Variants in FBXL17 observed in about 807,000 individuals in gnomAD.
The protein encoded by FBXL17 is F-box/LRR-repeat protein 17.
Under a neutral mutation model 66.2 loss-of-function variants are expected in FBXL17, and 22 were observed. The observed-to-expected ratio is 0.33, with a 90% CI of 0.24 to 0.47. The LOEUF (loss-of-function observed/expected upper bound fraction) is 0.47, where lower values mean the gene tolerates loss of function less well. Among genes scored for constraint, FBXL17 ranks in the 20% least tolerant of loss-of-function variants. The pLI, the probability that FBXL17 is intolerant of heterozygous loss-of-function variation, is 1.00. For missense variants in FBXL17, 878 were observed against 948.2 expected (o/e 0.93, Z 0.97); for synonymous variants, 474 against 400.5 (o/e 1.18, Z -2.19).
At chr5:108,342,045 CTT>C (rs1561540243) in intron 4 of FBXL17, among the ~76,000 whole-genome samples, 1 of 152,124 alleles carries the variant, frequency 6.6e-6, no homozygotes, top group African/African-American at 2.4e-5. Flanking sequence ...CAGTATAACT[CTT>C]GTTTAATTCT....
chr5:108,025,730 C>A (rs570097823), intron 6 of FBXL17, among the ~76,000 whole-genome samples: 120 of 69,800 alleles, frequency 1.7e-3, no homozygotes, highest in African/African-American at 6.6e-3. Context: ...CGCGCGCGCA[C>A]ACACACACAC....
chr5:108,224,257 C>T (rs769663597), intron 4 of FBXL17, 29 bp from the exon 5 acceptor site: 28 of 1,358,666 alleles, frequency 2.1e-5, no homozygotes, highest in Non-Finnish European at 2.8e-5. Flanking sequence ...TGAAATTATT[C>T]AAGGTAATAG....
intron 7 of FBXL17, among the ~76,000 whole-genome samples, chr5:107,907,099 T>G (rs1283639101): frequency 1.3e-5 from 2 of 152,146 alleles, no homozygotes; most frequent in East Asian, 3.9e-4. Context: ...TGGAGCAAAA[T>G]ATTAATAGCT....
At chr5:107,977,949 C>G (rs1416726329) in intron 7 of FBXL17, among the ~76,000 whole-genome samples, 5 of 152,154 alleles carry the variant, frequency 3.3e-5, no homozygotes, top group Admixed American at 2.6e-4. Context: ...GCTGGAGACC[C>G]ATGCCTAAGA....
At chr5:108,286,186 T>C (rs943005783) in intron 4 of FBXL17, among the ~76,000 whole-genome samples, 7 of 151,942 alleles carry the variant, frequency 4.6e-5, no homozygotes, top group Non-Finnish European at 8.8e-5. Flanking sequence ...GCCAACATCA[T>C]ACTGAATGGG....
At position 108,287,136 on chromosome 5, in the gene FBXL17, G is replaced by C. The variant is rs140116875; in HGVS notation, c.1506+61263C>G. Among the ~76,000 whole-genome samples, 101 of 151,984 alleles carry C rather than the reference G, an allele frequency of 6.6e-4. 1 individual carries two copies. The highest frequency in any genetic ancestry group is 2.3e-3 in the African/African-American group (97 of 41,488). On this transcript the variant is annotated intron_variant, in intron 4 of 8. Coordinates refer to ENST00000542267, the MANE Select transcript of FBXL17 (RefSeq NM_001163315.3). ...AAAAATCAATTCGAGATAAATTAAA[G>C]ACTTAAATATAAAACCTAAAACTAT...
intron 4 of FBXL17, among the ~76,000 whole-genome samples, chr5:108,309,327 AATT>A (rs1347047786): frequency 1.3e-5 from 2 of 152,084 alleles, no homozygotes; most frequent in African/African-American, 2.4e-5. Flanking sequence ...AAATTGACCA[AATT>A]ATTAACAGAT....
chr5:107,960,891 G>A (rs911148368), intron 7 of FBXL17, among the ~76,000 whole-genome samples: 2 of 152,178 alleles, frequency 1.3e-5, no homozygotes, highest in Non-Finnish European at 2.9e-5. Flanking sequence ...CAAATCTATA[G>A]ACAAAGAAGG....
intron 5 of FBXL17, among the ~76,000 whole-genome samples, chr5:108,206,033 C>T (rs1754103067): frequency 6.6e-6 from 1 of 152,272 alleles, no homozygotes; most frequent in African/African-American, 2.4e-5. Context: ...GAGTTAAATG[C>T]TATCAACTTC....
Position 107,943,865 on chromosome 5 carries a change from C to T in FBXL17, c.1823-62686G>A, listed in dbSNP as rs373139608. Among the ~76,000 whole-genome samples, 8 of 152,268 alleles carry T rather than the reference C, an allele frequency of 5.3e-5. No individual in the cohort carries two copies. The East Asian group carries it at 9.6e-4, about 18-fold the overall frequency. On this transcript the variant is annotated intron_variant, in intron 7 of 8. Coordinates refer to ENST00000542267, the MANE Select transcript of FBXL17 (RefSeq NM_001163315.3). Reference sequence around the variant, plus strand: ...CTGATCAAAAATACAAATCTGATCACGTTGCTTCCATGCTTAAAAGACTTT... The same window carrying T: ...CTGATCAAAAATACAAATCTGATCATGTTGCTTCCATGCTTAAAAGACTTT...
chr5:108,260,479 T>C (rs1275980141), intron 4 of FBXL17, among the ~76,000 whole-genome samples: 2 of 151,974 alleles, frequency 1.3e-5, no homozygotes, highest in African/African-American at 2.4e-5. Context: ...TATCTAAACA[T>C]GTAACATAAT....
chr5:108,042,341 T>C (rs1438161229), intron 6 of FBXL17, among the ~76,000 whole-genome samples: 4 of 152,226 alleles, frequency 2.6e-5, no homozygotes, highest in Admixed American at 2.6e-4. Flanking sequence ...TTGACATTGA[T>C]ACAGTTGCAC....
intron 7 of FBXL17, among the ~76,000 whole-genome samples, chr5:108,004,699 G>T (rs915199553): frequency 1.3e-5 from 2 of 152,106 alleles, no homozygotes; most frequent in Non-Finnish European, 2.9e-5. Flanking sequence ...GGCTTCAGAG[G>T]AATCAGCATT....
chr5:108,260,837 A>G (rs1427205248), intron 4 of FBXL17, among the ~76,000 whole-genome samples: 1 of 152,194 alleles, frequency 6.6e-6, no homozygotes, highest in East Asian at 1.9e-4. Flanking sequence ...AGTTTGCTAT[A>G]GTCATTTCAC....
chr5:107,948,020 T>G (rs924219953), intron 7 of FBXL17, among the ~76,000 whole-genome samples: 1 of 152,050 alleles, frequency 6.6e-6, no homozygotes, highest in Admixed American at 6.6e-5. Context: ...AAGGAACAAA[T>G]GGGACTTGCT....
intron 6 of FBXL17, among the ~76,000 whole-genome samples, chr5:108,184,810 T>C (rs778174316): frequency 2.0e-5 from 3 of 148,456 alleles, no homozygotes; most frequent in East Asian, 2.0e-4. Context: ...CTGACACAAA[T>C]TATTTCTCCT....
At chr5:107,975,852 T>C (rs546137629) in intron 7 of FBXL17, among the ~76,000 whole-genome samples, 1,547 of 65,624 alleles carry the variant, frequency 0.024, 34 homozygotes, top group African/African-American at 0.089. Context: ...GTTTTTGTTG[T>C]TGTTGTTTTT....
chr5:108,044,430 CT>C (rs1451489165), intron 6 of FBXL17, among the ~76,000 whole-genome samples: 1 of 152,082 alleles, frequency 6.6e-6, no homozygotes, highest in Non-Finnish European at 1.5e-5. Flanking sequence ...TTTTTGACAA[CT>C]GATATGATCA....
intron 8 of FBXL17, among the ~76,000 whole-genome samples, chr5:107,863,113 G>A (rs775781249): frequency 6.6e-6 from 1 of 151,278 alleles, no homozygotes; most frequent in Non-Finnish European, 1.5e-5. Flanking sequence ...GATTTATAAC[G>A]TTTTATTTTC....
Sources: allele counts gnomAD v4.1 joint callset (sites outside exome capture counted in the v4.1 genomes callset), GRCh38; gene constraint gnomAD v4.1.1; transcripts MANE v1.5; gene names NCBI Gene and HGNC (gene_info 2026-07-23, HGNC 2026-07-21).